Variants in LRRC37A2 observed in about 807,000 individuals in gnomAD.
LRRC37A2 encodes leucine rich repeat containing 37 member A2, also known as leucine-rich repeat-containing protein 37A2.
LRRC37A2 carries 9 observed loss-of-function variants against 68.8 expected under a neutral mutation model. The ratio of observed to expected loss-of-function variants is 0.13; its 90% CI spans 0.08 to 0.23. The LOEUF (loss-of-function observed/expected upper bound fraction) is 0.23. Ranked by LOEUF, LRRC37A2 falls within the 10% of genes least tolerant of loss-of-function variation. LRRC37A2 has a pLI of 1.00. For missense variants in LRRC37A2, 168 were observed against 950.4 expected (o/e 0.18, Z 10.82); for synonymous variants, 63 against 367.6 (o/e 0.17, Z 9.48).
chr17:46,690,624 A>AAAAAT, the LRRC37A2 span, among the ~76,000 whole-genome samples: 808 of 110,730 alleles, frequency 7.3e-3, 6 homozygotes, highest in Admixed American at 9.3e-3. Flanking sequence ...AAAAAAAAAA[A>AAAAAT]ATATATATAT....
At chr17:46,783,392 A>G in the LRRC37A2 span, among the ~76,000 whole-genome samples, 1 of 152,130 alleles carries the variant, frequency 6.6e-6, no homozygotes, top group East Asian at 1.9e-4. Context: ...CTGCCTATTC[A>G]CTCAACACGC....
At chr17:46,877,160 C>A in the LRRC37A2 span, 1 of 905,600 alleles carries the variant, frequency 1.1e-6, no homozygotes, top group Non-Finnish European at 1.3e-6. Flanking sequence ...GAAGTGAAGG[C>A]GGGAGCCTGG....
the LRRC37A2 span, among the ~76,000 whole-genome samples, chr17:46,857,791 G>T: frequency 6.6e-6 from 1 of 152,116 alleles, no homozygotes; most frequent in African/African-American, 2.4e-5. Context: ...ATCTCATTGT[G>T]GTTTTAATTT....
exon 10 of LRRC37A2, chr17:46,548,854 C>G (rs1352296747): frequency 1.2e-6 from 2 of 1,612,476 alleles, no homozygotes; most frequent in Non-Finnish European, 1.7e-6. Flanking sequence ...TTCCTTCACC[C>G]AAGAGCATAA....
the LRRC37A2 span, chr17:46,929,729 T>C: frequency 1.6e-6 from 1 of 642,190 alleles, no homozygotes; most frequent in Non-Finnish European, 2.8e-6. Context: ...AAAAACCCTA[T>C]GGCAAAGTCA....
At chr17:46,772,380 C>T in the LRRC37A2 span, among the ~76,000 whole-genome samples, 2 of 152,226 alleles carry the variant, frequency 1.3e-5, no homozygotes, top group Non-Finnish European at 2.9e-5. Flanking sequence ...GCCGCTTTCC[C>T]CTGGCTCTTG....
chr17:46,987,061 C>T, the LRRC37A2 span, among the ~76,000 whole-genome samples: 1 of 152,090 alleles, frequency 6.6e-6, no homozygotes, highest in East Asian at 1.9e-4. Context: ...GCCTGGCTGA[C>T]ACGGTGGCCC....
chr17:46,922,041 T>C, the LRRC37A2 span, among the ~76,000 whole-genome samples: 2,426 of 152,338 alleles, frequency 0.016, 63 homozygotes, highest in African/African-American at 0.056. Context: ...CATGTATGTT[T>C]ATTGCAGCAC....
chr17:46,551,032 T>G (rs1020214897), intron 11 of LRRC37A2, among the ~76,000 whole-genome samples: 1 of 149,804 alleles, frequency 6.7e-6, no homozygotes, highest in African/African-American at 2.6e-5. Flanking sequence ...CACTACAGAG[T>G]AGCCATCTTT....
the LRRC37A2 span, among the ~76,000 whole-genome samples, chr17:46,788,067 A>G: frequency 1.1e-4 from 17 of 152,040 alleles, no homozygotes; most frequent in African/African-American, 3.6e-4. Context: ...GACTTCAAGG[A>G]ATAGGTGTGC....
At chr17:46,816,749 C>G in the LRRC37A2 span, among the ~76,000 whole-genome samples, 1 of 152,196 alleles carries the variant, frequency 6.6e-6, no homozygotes, top group African/African-American at 2.4e-5. Flanking sequence ...AGACTGGTCT[C>G]TCTTCCTCAG....
At chr17:46,731,422 G>A in the LRRC37A2 span, among the ~76,000 whole-genome samples, 9 of 152,118 alleles carry the variant, frequency 5.9e-5, no homozygotes, top group African/African-American at 2.2e-4. Flanking sequence ...GATTTTGGTG[G>A]TGTTGTGTAT....
chr17:46,766,340 G>A, the LRRC37A2 span, among the ~76,000 whole-genome samples: 3 of 151,920 alleles, frequency 2.0e-5, no homozygotes, highest in East Asian at 3.9e-4. Flanking sequence ...CCCAGGTGGC[G>A]GAGGTTACAG....
At chr17:46,975,069 C>T in the LRRC37A2 span, 3 of 141,166 alleles carry the variant, frequency 2.1e-5, no homozygotes, top group Non-Finnish European at 4.5e-5. Flanking sequence ...AGAGTTCATA[C>T]GATAAACAAA....
At chr17:46,940,408 G>A in the LRRC37A2 span, 1 of 1,585,758 alleles carries the variant, frequency 6.3e-7, no homozygotes, top group Non-Finnish European at 8.5e-7. Flanking sequence ...AGCATCTTTA[G>A]ACCTAGATCT....
the LRRC37A2 span, among the ~76,000 whole-genome samples, chr17:46,847,967 A>AGTGTGTGTGTGTGTGTGTGT: frequency 2.0e-5 from 3 of 149,584 alleles, no homozygotes; most frequent in African/African-American, 7.4e-5. Flanking sequence ...TGATTTCCAA[A>AGTGTGTGTGTGTGTGTGTGT]GTGTGTGTGT....
the LRRC37A2 span, among the ~76,000 whole-genome samples, chr17:46,765,832 C>T: frequency 6.6e-6 from 1 of 152,236 alleles, no homozygotes; most frequent in Admixed American, 6.5e-5. Flanking sequence ...CAACCCTACA[C>T]AGAACACAGT....
At chr17:46,778,336 G>A in the LRRC37A2 span, among the ~76,000 whole-genome samples, 2 of 152,218 alleles carry the variant, frequency 1.3e-5, no homozygotes, top group African/African-American at 4.8e-5. Context: ...CACTCAAAGA[G>A]TGCAGGCAAA....
chr17:47,018,626 T>G, the LRRC37A2 span: 47 of 1,520,454 alleles, frequency 3.1e-5, no homozygotes, highest in African/African-American at 4.1e-5. Flanking sequence ...AACAGGAGAC[T>G]TCATTTCAGT....
Sources: gnomAD v4.1 joint callset for allele counts (sites outside exome capture counted in the v4.1 genomes callset) on GRCh38, gnomAD v4.1.1 for gene constraint, MANE v1.5 for transcripts, NCBI Gene and HGNC (gene_info 2026-07-23, HGNC 2026-07-21) for gene names.